UBR1: variants seen among roughly 807,000 people sequenced by gnomAD.
UBR1 encodes the protein ubiquitin protein ligase E3 component n-recognin 1.
In UBR1, 102 loss-of-function variants were observed where a neutral mutation model predicts 242.1. The observed-to-expected ratio is 0.42, with a 90% confidence interval of 0.36 to 0.50. UBR1 has a LOEUF of 0.50. Ranked by LOEUF, UBR1 falls within the 20% of genes least tolerant of loss-of-function variation. The pLI, the probability that UBR1 is intolerant of heterozygous loss-of-function variation, is 0.01. For synonymous variants in UBR1, 675 were observed against 684.8 expected, an observed-to-expected ratio of 0.99 and a Z score of 0.22; for missense variants, 1,772 against 2,101.8, an observed-to-expected ratio of 0.84 and a Z score of 3.07.
chr15:43,003,548 G>A (rs776714943), intron 31 of UBR1, among the ~76,000 whole-genome samples: 2 of 152,196 alleles, frequency 1.3e-5, no homozygotes, highest in Non-Finnish European at 2.9e-5. Context: ...GAGCCACCAC[G>A]CCCGGCCAAT....
At chr15:42,960,472 GA>G (rs994239468) in intron 43 of UBR1, among the ~76,000 whole-genome samples, 172 bp downstream of exon 43, 12 of 152,120 alleles carry the variant, frequency 7.9e-5, no homozygotes, top group African/African-American at 2.6e-4. Flanking sequence ...GCCACTCCAA[GA>G]AAAAAACATT....
At chr15:43,095,941 T>C (rs1009031508) in intron 1 of UBR1, among the ~76,000 whole-genome samples, 1 of 152,218 alleles carries the variant, frequency 6.6e-6, no homozygotes, top group African/African-American at 2.4e-5. Context: ...ATTTTTTTGG[T>C]TTCCCAATGC....
At chr15:43,076,809 G>A (rs1264153045) in intron 3 of UBR1, among the ~76,000 whole-genome samples, 287 of 108,496 alleles carry the variant, frequency 2.6e-3, no homozygotes, top group Middle Eastern at 5.3e-3. Context: ...CAGCCGCCCC[G>A]TCCGGGAGGT....
chr15:43,019,369 G>A (rs1170445404), intron 27 of UBR1, among the ~76,000 whole-genome samples: 3 of 150,840 alleles, frequency 2.0e-5, no homozygotes, highest in Non-Finnish European at 4.4e-5. Flanking sequence ...GGCCAATAAT[G>A]ATATTACATC....
At chr15:43,037,974 G>T in intron 16 of UBR1, 91 bp from the exon 17 acceptor site, 2 of 1,337,458 alleles carry the variant, frequency 1.5e-6, no homozygotes, top group South Asian at 1.2e-5. Context: ...GTTTTCTCAC[G>T]TGAAAAATGG....
In UBR1 at chr15:42,983,897, CTGA is replaced by C; in HGVS notation, c.4147_4149del (p.Ser1383del). On this transcript the variant is annotated inframe_deletion and splice_region_variant, in exon 37 of 47. Transcript: ENST00000290650. ...AATAATAGTTCAGAGAAGACTCTAC[CTGA>C]TAGAAGACGAACCAGATGTTTCTGT... 6.2e-7 allele frequency: 1 copy of C among 1,606,932 alleles called. No individual in the cohort carries two copies. The highest frequency in any genetic ancestry group is 8.5e-7 in the Non-Finnish European group (1 of 1,174,420).
intron 6 of UBR1, among the ~76,000 whole-genome samples, chr15:43,062,887 G>C (rs1011971636): frequency 1.3e-5 from 2 of 151,800 alleles, no homozygotes; most frequent in Admixed American, 6.6e-5. Flanking sequence ...GGCTTGGGCT[G>C]GCATGTCTAC....
chr15:42,997,182 T>C (rs533036177), intron 33 of UBR1, among the ~76,000 whole-genome samples: 3 of 152,310 alleles, frequency 2.0e-5, no homozygotes, highest in South Asian at 2.1e-4. Flanking sequence ...CAAACTCTAC[T>C]ATGAACTGCC....
chr15:43,047,023 A>G (rs1596117823), intron 14 of UBR1, 138 bp downstream of exon 14: 2 of 1,080,782 alleles, frequency 1.9e-6, no homozygotes, highest in East Asian at 5.3e-5. Context: ...CTAAATTTAA[A>G]AAGAGAAATT....
intron 33 of UBR1, among the ~76,000 whole-genome samples, chr15:42,991,427 G>A (rs2032556097): frequency 6.6e-6 from 1 of 151,930 alleles, no homozygotes. Context: ...TCAGCAGTTT[G>A]CTTTATGATG....
intron 36 of UBR1, 79 bp downstream of exon 36, chr15:42,984,806 ATT>A (rs371516734): frequency 7.8e-7 from 1 of 1,279,122 alleles, no homozygotes; most frequent in Non-Finnish European, 1.1e-6. Flanking sequence ...ATGAGTAAAG[ATT>A]TTTTGTTTTT....
chr15:42,964,094 A>T lies in UBR1; in HGVS notation c.4592-51T>A, dbSNP rs188074667. On this transcript the variant is annotated intron_variant, in intron 41 of 46. Transcript: ENST00000290650. ...ATAAGCACATTATTCTTACCTGGTC[A>T]ATCTGTGCATTAGAGTTTCTTCACT... is the stretch of plus-strand genomic sequence containing the variant. 222 of 1,236,190 alleles carry T rather than the reference A, an allele frequency of 1.8e-4. No homozygotes were observed. In the African/African-American group the frequency reaches 3.0e-3, roughly 17 times the overall value. The allele number at this position is 1,236,190 out of a possible 1,614,324, so 76.6% of individuals were successfully genotyped here.
At chr15:42,970,425 A>G in intron 40 of UBR1, 95 bp downstream of exon 40, 2 of 1,311,846 alleles carry the variant, frequency 1.5e-6, no homozygotes, top group Non-Finnish European at 2.2e-6. Flanking sequence ...GATTATTTTT[A>G]ACTGGAATTT....
chr15:42,975,181 C>A (rs930263797), intron 39 of UBR1, among the ~76,000 whole-genome samples: 6 of 152,200 alleles, frequency 3.9e-5, no homozygotes, highest in African/African-American at 1.4e-4. Flanking sequence ...CAGGTGTGAG[C>A]CACCACCCGG....
intron 1 of UBR1, among the ~76,000 whole-genome samples, chr15:43,095,271 C>A (rs2034145646): frequency 1.3e-5 from 2 of 152,156 alleles, no homozygotes; most frequent in South Asian, 4.1e-4. Flanking sequence ...AAAAGGTGGT[C>A]CATAAAGACA....
chr15:43,102,844 T>G (rs2034254530), intron 1 of UBR1, among the ~76,000 whole-genome samples: 1 of 152,210 alleles, frequency 6.6e-6, no homozygotes, highest in South Asian at 2.1e-4. Context: ...TCTGTGTGTG[T>G]GTATATATAT....
chr15:43,032,574 T>C lies in UBR1; in HGVS notation c.2248A>G (p.Ile750Val). Reference protein sequence around the residue: ...IEEMLQVLIYIVGERYVPGVG... With the variant: ...IEEMLQVLIYVVGERYVPGVG... ...CATTGTGTTTTAATCTTACCCACAA[T>C]ATAGATGAGGACCTGAAGCATTTCT... The change falls in exon 20 of 47, where the codon ATT becomes GTT. Residue 750 changes from isoleucine to valine, a missense_variant. Transcript: ENST00000290650. The C allele has an allele frequency of 6.5e-7, 1 of 1,534,550 alleles. No homozygotes were observed. The highest frequency in any genetic ancestry group is 9.0e-7 in the Non-Finnish European group (1 of 1,112,860).
chr15:43,004,054 T>A, intron 30 of UBR1, 124 bp from the exon 31 acceptor site: 1 of 816,504 alleles, frequency 1.2e-6, no homozygotes, highest in Non-Finnish European at 2.1e-6. Flanking sequence ...GGATATATAG[T>A]AACAAAAAGA....
At chr15:43,055,702 G>A (rs2033609359) in intron 11 of UBR1, among the ~76,000 whole-genome samples, 1 of 152,076 alleles carries the variant, frequency 6.6e-6, no homozygotes, top group African/African-American at 2.4e-5. Context: ...ATCACCTGAG[G>A]TCAGGAGTTT....
Sources: allele counts gnomAD v4.1 joint callset (sites outside exome capture counted in the v4.1 genomes callset), GRCh38; gene constraint gnomAD v4.1.1; transcripts MANE v1.5; gene names NCBI Gene and HGNC (gene_info 2026-07-23, HGNC 2026-07-21).